Variants in MMP15 observed in about 807,000 individuals in gnomAD.
MMP15 encodes matrix metalloproteinase-15.
In MMP15, 36 loss-of-function variants were observed where a neutral mutation model predicts 65.0. The observed-to-expected ratio is 0.55, with a 90% CI of 0.42 to 0.73. The LOEUF (loss-of-function observed/expected upper bound fraction) is 0.73. Among genes scored for constraint, MMP15 ranks in the 30% least tolerant of loss-of-function variants. MMP15 has a pLI of 0.00. For synonymous variants in MMP15, 428 were observed against 410.2 expected (o/e 1.04, Z -0.52); for missense variants, 870 against 987.8 (o/e 0.88, Z 1.60).
At chr16:58,029,303 C>CCG (rs1555499217) in intron 1 of MMP15, among the ~76,000 whole-genome samples, 3 of 152,094 alleles carry the variant, frequency 2.0e-5, no homozygotes, top group African/African-American at 7.2e-5. Context: ...ATGCTGGCTC[C>CCG]GGGGGGGCCC....
intron 4 of MMP15, 29 bp from the exon 5 acceptor site, chr16:58,040,508 C>A (rs746363351): frequency 6.2e-7 from 1 of 1,605,996 alleles, no homozygotes; most frequent in Non-Finnish European, 8.5e-7. Context: ...CCACAGCTGA[C>A]TGTGCTGCCC....
chr16:58,032,964 G>A (rs1959260468), intron 1 of MMP15, among the ~76,000 whole-genome samples: 1 of 152,198 alleles, frequency 6.6e-6, no homozygotes, highest in South Asian at 2.1e-4. Context: ...CCCCGGGGAG[G>A]GGGCTGCCGG....
intron 5 of MMP15, among the ~76,000 whole-genome samples, 197 bp from the exon 6 acceptor site, chr16:58,041,420 G>C (rs1011362175): frequency 2.0e-5 from 3 of 152,192 alleles, no homozygotes; most frequent in Non-Finnish European, 2.9e-5. Flanking sequence ...CCCAAGGTCA[G>C]TGTGGGGAGA....
intron 1 of MMP15, among the ~76,000 whole-genome samples, chr16:58,027,825 C>T (rs1432794481): frequency 6.6e-6 from 1 of 152,116 alleles, no homozygotes; most frequent in Admixed American, 6.5e-5. Flanking sequence ...TGGTGGGAGG[C>T]AGGATAGGAG....
At chr16:58,041,375 G>T (rs1959447768) in intron 5 of MMP15, among the ~76,000 whole-genome samples, 1 of 152,178 alleles carries the variant, frequency 6.6e-6, no homozygotes, top group South Asian at 2.1e-4. Context: ...GTCCCCAAGG[G>T]GACATGCAGG....
At chr16:58,033,401 T>A (rs1959269899) in intron 1 of MMP15, among the ~76,000 whole-genome samples, 1 of 152,186 alleles carries the variant, frequency 6.6e-6, no homozygotes, top group Non-Finnish European at 1.5e-5. Flanking sequence ...ATTATGGGAA[T>A]GGTCACAAAT....
chr16:58,036,801 G>C (rs1257070474), intron 1 of MMP15, among the ~76,000 whole-genome samples: 1 of 152,222 alleles, frequency 6.6e-6, no homozygotes, highest in Non-Finnish European at 1.5e-5. Flanking sequence ...GAATCCTTTT[G>C]GGTCCTTGGC....
intron 9 of MMP15, among the ~76,000 whole-genome samples, 187 bp from the exon 10 acceptor site, chr16:58,044,820 C>A (rs534862727): frequency 2.0e-5 from 3 of 152,342 alleles, no homozygotes; most frequent in South Asian, 2.1e-4. Context: ...CTAGTCGTAC[C>A]CTTAGCCCAA....
chr16:58,038,532 C>A (rs565297249), intron 3 of MMP15, 138 bp downstream of exon 3: 4 of 1,116,362 alleles, frequency 3.6e-6, no homozygotes, highest in Non-Finnish European at 5.1e-6. Flanking sequence ...CCACACACGC[C>A]AGGCAGTCTC....
rs1266294265 is a variant in MMP15 at position 58,041,864 on chromosome 16, G to A, written c.1158G>A (p.Val386=). The change falls in exon 6 of 10, where the codon GTG becomes GTA. Residue 386 remains valine, a synonymous_variant. Coordinates refer to ENST00000219271, the MANE Select transcript of MMP15 (RefSeq NM_002428.4). ...CCATGCTTCGCGGGGAGATGTTCGT[G>A]TTCAAGGTCTGGCCCCGCCTCCCAT... The part of the protein sequence containing the change: ...TVAMLRGEMF[V]FKGRWFWRVR... 6.3e-7 allele frequency: 1 copy of A among 1,588,046 alleles called. No individual in the cohort carries two copies. The highest frequency in any genetic ancestry group is 1.8e-5 in the Admixed American group (1 of 56,682).
chr16:58,033,008 G>A (rs1959261132), intron 1 of MMP15, among the ~76,000 whole-genome samples: 1 of 91,360 alleles, frequency 1.1e-5, no homozygotes, highest in African/African-American at 3.0e-5. Context: ...GGAGGAGCTG[G>A]AAGGGCCGGC....
intron 1 of MMP15, among the ~76,000 whole-genome samples, chr16:58,033,088 C>T (rs1420202756): frequency 6.6e-6 from 1 of 152,210 alleles, no homozygotes; most frequent in Non-Finnish European, 1.5e-5. Flanking sequence ...GGCGGCTGCT[C>T]ACTGCACAGT....
chr16:58,025,779 C>A lies in MMP15; in HGVS notation c.-572C>A, dbSNP rs898144978. 6.6e-6 allele frequency: 1 copy of A among 151,918 alleles called. No individual in the cohort carries two copies. Among genetic ancestry groups the A allele is most frequent in the African/African-American group, 2.4e-5 (1 of 41,378 alleles). 9.4% of individuals were successfully genotyped at this position (151,918 alleles called of 1,614,324 possible). A position where few individuals can be genotyped will look rare whatever the true frequency, so the allele number is the denominator to read the frequency against. On this transcript the variant is annotated 5_prime_UTR_variant, in exon 1 of 10. Coordinates refer to ENST00000219271, the MANE Select transcript of MMP15 (RefSeq NM_002428.4). ...GAGGAGGGCTGGGAGCGCCCGGAGC[C>A]GCGCTGAACTCGCCGGGGACGTCGG...
At chr16:58,040,893 T>C in intron 5 of MMP15, 195 bp downstream of exon 5, 1 of 794,830 alleles carries the variant, frequency 1.3e-6, no homozygotes, top group Non-Finnish European at 2.1e-6. Flanking sequence ...CTCCAGGGCC[T>C]GGGCCTCACT....
intron 1 of MMP15, among the ~76,000 whole-genome samples, chr16:58,033,831 A>G (rs1959280417): frequency 6.6e-6 from 1 of 152,244 alleles, no homozygotes; most frequent in Admixed American, 6.5e-5. Flanking sequence ...TGAACTCAGG[A>G]GGCAGAAGTT....
chr16:58,044,773 C>G (rs1467698896), intron 9 of MMP15, among the ~76,000 whole-genome samples: 1 of 152,202 alleles, frequency 6.6e-6, no homozygotes, highest in South Asian at 2.1e-4. Context: ...CAGGCCCTTC[C>G]CCAGCTAATG....
chr16:58,040,543 A>G lies in MMP15; in HGVS notation c.755A>G (p.Asn252Ser), dbSNP rs1373367694. 3.7e-6 allele frequency: 6 copies of G among 1,612,656 alleles called. No individual in the cohort carries two copies. The highest frequency in any genetic ancestry group is 2.2e-5 in the East Asian group (1 of 44,842). Residue 252 changes from asparagine (N) to serine (S), a missense_variant, in exon 5 of 10, where the codon AAC becomes AGC. Asn to Ser is a conservative substitution (Grantham distance 46). Transcript: ENST00000219271. ...CTCCTTCTCTCCCCAAAAGGAAACAACCTCTTCCTGGTGGCAGTGCATGAG... is the reference window on the plus strand; with the variant it reads ...CTCCTTCTCTCCCCAAAAGGAAACAGCCTCTTCCTGGTGGCAGTGCATGAG... ...TFSSTDLHGNNLFLVAVHELG... is the reference protein window; with the variant it reads ...TFSSTDLHGNSLFLVAVHELG...
At chr16:58,042,553 G>C (rs1188645113) in intron 7 of MMP15, among the ~76,000 whole-genome samples, 184 bp downstream of exon 7, 5 of 152,212 alleles carry the variant, frequency 3.3e-5, no homozygotes, top group Non-Finnish European at 7.4e-5. Flanking sequence ...ATAGAGGCTG[G>C]AGGCAGGGTT....
chr16:58,036,500 A>C (rs1397204612), intron 1 of MMP15, among the ~76,000 whole-genome samples: 1 of 152,220 alleles, frequency 6.6e-6, no homozygotes, highest in African/African-American at 2.4e-5. Context: ...TGGATGGATG[A>C]GAAGACTTGC....
Sources: allele counts gnomAD v4.1 joint callset (sites outside exome capture counted in the v4.1 genomes callset), GRCh38; gene constraint gnomAD v4.1.1; transcripts MANE v1.5; gene names NCBI Gene and HGNC (gene_info 2026-07-23, HGNC 2026-07-21).